Variants in SMIM14 observed in about 807,000 individuals in gnomAD.
SMIM14 encodes the protein small integral membrane protein 14.
In SMIM14, 5 loss-of-function variants were observed where a neutral mutation model predicts 12.6. That is an observed-to-expected ratio of 0.40 (90% confidence interval 0.21 to 0.83). The LOEUF (loss-of-function observed/expected upper bound fraction) is 0.83, where lower values mean the gene tolerates loss of function less well. SMIM14 is among the 40% of genes least tolerant of loss of function. SMIM14 has a pLI of 0.37. For missense variants in SMIM14, 86 were observed against 119.1 expected (o/e 0.72, Z 1.29); for synonymous variants, 30 against 40.1 (o/e 0.75, Z 0.95).
chr4:39,569,407 C>T (rs145554219), intron 3 of SMIM14, among the ~76,000 whole-genome samples: 13 of 152,214 alleles, frequency 8.5e-5, no homozygotes, highest in Non-Finnish European at 1.5e-4. Flanking sequence ...TACCTTACTG[C>T]GTCTTGTTTC....
chr4:39,575,627 C>T (rs1713126929), intron 2 of SMIM14, among the ~76,000 whole-genome samples: 1 of 152,108 alleles, frequency 6.6e-6, no homozygotes, highest in Non-Finnish European at 1.5e-5. Flanking sequence ...CTCTGTTGCC[C>T]AGGCTAGAAT....
intron 2 of SMIM14, among the ~76,000 whole-genome samples, chr4:39,577,499 C>T (rs1382066702): frequency 2.0e-5 from 3 of 150,496 alleles, no homozygotes; most frequent in Non-Finnish European, 2.9e-5. Context: ...ACAATCTCGG[C>T]TCACTGCAAC....
chr4:39,609,253 T>C (rs1052019917), intron 1 of SMIM14, among the ~76,000 whole-genome samples: 1 of 152,210 alleles, frequency 6.6e-6, no homozygotes, highest in East Asian at 1.9e-4. Flanking sequence ...GTGCTGGGAT[T>C]AGAGGCATAA....
intron 2 of SMIM14, among the ~76,000 whole-genome samples, chr4:39,589,895 C>T (rs1248994287): frequency 6.6e-6 from 1 of 151,330 alleles, no homozygotes; most frequent in Non-Finnish European, 1.5e-5. Flanking sequence ...AAAAAATTAG[C>T]CGGGTGTGGT....
intron 1 of SMIM14, among the ~76,000 whole-genome samples, chr4:39,615,230 C>T (rs527757151): frequency 3.3e-5 from 5 of 152,220 alleles, no homozygotes; most frequent in African/African-American, 7.2e-5. Flanking sequence ...CCACGACCTC[C>T]GGCCCGAATG....
In SMIM14 at chr4:39,558,553, G is replaced by A. The variant is rs999361884; in HGVS notation, c.125-1983C>T. On this transcript the variant is annotated intron_variant, in intron 3 of 4. Transcript: ENST00000295958. This position sits in a 1 kb window ranked among gnomAD's most constrained non-coding sequence, Gnocchi z 4.3. ...GTGGGCTCCGTGGGAACTTGCATAG[G>A]GCGGAGTGGGCTTACCTAAAAAAAC... Among the ~76,000 whole-genome samples, 1 of 152,148 alleles carries A rather than the reference G, an allele frequency of 6.6e-6. No individual in the cohort carries two copies. The highest frequency in any genetic ancestry group is 1.5e-5 in the Non-Finnish European group (1 of 68,030).
At chr4:39,611,281 A>T (rs1404853796) in intron 1 of SMIM14, among the ~76,000 whole-genome samples, 1 of 152,206 alleles carries the variant, frequency 6.6e-6, no homozygotes, top group African/African-American at 2.4e-5. Context: ...CAAGGCAGGC[A>T]GATCACCTGA....
intron 2 of SMIM14, among the ~76,000 whole-genome samples, chr4:39,600,550 C>T (rs771193695): frequency 6.6e-6 from 1 of 152,020 alleles, no homozygotes; most frequent in Non-Finnish European, 1.5e-5. Context: ...ATTAGCCGAG[C>T]GTGGTGGCAG....
chr4:39,622,361 C>T (rs578192577), intron 1 of SMIM14, among the ~76,000 whole-genome samples: 3 of 151,620 alleles, frequency 2.0e-5, no homozygotes, highest in African/African-American at 7.3e-5. Flanking sequence ...GGATTACAGG[C>T]GTGAGCCACC....
chr4:39,616,705 C>T (rs949241255), intron 1 of SMIM14, among the ~76,000 whole-genome samples: 16 of 140,810 alleles, frequency 1.1e-4, no homozygotes, highest in Non-Finnish European at 1.8e-4. Context: ...CCCAGAATTA[C>T]TGCAACTGGA....
At chr4:39,573,925 AAAAAG>A (rs1172376758) in intron 2 of SMIM14, among the ~76,000 whole-genome samples, 31 of 152,176 alleles carry the variant, frequency 2.0e-4, no homozygotes, top group African/African-American at 7.5e-4. Flanking sequence ...AAGAAAGTTA[AAAAAG>A]AAAAGTCCCA....
chr4:39,610,352 A>T (rs1464199857), intron 1 of SMIM14, among the ~76,000 whole-genome samples: 1 of 152,166 alleles, frequency 6.6e-6, no homozygotes, highest in Non-Finnish European at 1.5e-5. Flanking sequence ...ATTAGAACAC[A>T]GTATCCACAA....
intron 1 of SMIM14, among the ~76,000 whole-genome samples, chr4:39,627,162 T>TCCTCATGATGATGGCTCCAC (rs1025864578): frequency 1.3e-5 from 2 of 152,128 alleles, no homozygotes; most frequent in Non-Finnish European, 2.9e-5. Flanking sequence ...AGGGCACTAC[T>TCCTCATGATGATGGCTCCAC]CCTCATGATG....
chr4:39,606,692 A>G (rs1331335406), intron 1 of SMIM14, among the ~76,000 whole-genome samples: 1 of 151,376 alleles, frequency 6.6e-6, no homozygotes, highest in Non-Finnish European at 1.5e-5. Context: ...GAATAGTGAC[A>G]CCTGAGAGAC....
intron 1 of SMIM14, among the ~76,000 whole-genome samples, chr4:39,623,829 T>C (rs1462431234): frequency 6.6e-6 from 1 of 152,070 alleles, no homozygotes; most frequent in Non-Finnish European, 1.5e-5. Context: ...ACCACTGCAC[T>C]CCAGCTTGGG....
chr4:39,588,696 G>A (rs992917505), intron 2 of SMIM14, among the ~76,000 whole-genome samples: 4 of 151,944 alleles, frequency 2.6e-5, no homozygotes, highest in Non-Finnish European at 5.9e-5. Flanking sequence ...AAAGATCTGG[G>A]AAGATACACA....
intron 1 of SMIM14, 199 bp downstream of exon 1, chr4:39,638,540 G>A (rs893212556): frequency 1.2e-5 from 12 of 985,374 alleles, no homozygotes; most frequent in Non-Finnish European, 1.4e-5. Context: ...GGCTCTTCGC[G>A]GGGGACGCGG....
At chr4:39,620,116 G>A (rs1321950042) in intron 1 of SMIM14, among the ~76,000 whole-genome samples, 2 of 150,988 alleles carry the variant, frequency 1.3e-5, no homozygotes, top group Non-Finnish European at 2.9e-5. Flanking sequence ...TGAGATGGGA[G>A]GACTGCTTGA....
chr4:39,561,115 A>AT (rs1398253234), intron 3 of SMIM14, among the ~76,000 whole-genome samples: 4 of 151,408 alleles, frequency 2.6e-5, no homozygotes, highest in African/African-American at 4.9e-5. Context: ...CAGAATTCGG[A>AT]TTTTTTCAGA....
Sources: allele counts gnomAD v4.1 joint callset (sites outside exome capture counted in the v4.1 genomes callset), GRCh38; gene constraint gnomAD v4.1.1; non-coding constraint Gnocchi (gnomAD v3.1); transcripts MANE v1.5; gene names NCBI Gene and HGNC (gene_info 2026-07-23, HGNC 2026-07-21).